Variants in LIMD1 observed in about 807,000 individuals in gnomAD.
LIMD1 encodes the protein LIM domain containing 1.
A neutral mutation model predicts 58.4 loss-of-function variants in LIMD1; 23 were observed. The ratio of observed to expected loss-of-function variants is 0.39; its 90% CI spans 0.28 to 0.56. The LOEUF (loss-of-function observed/expected upper bound fraction) is 0.56. Among genes scored for constraint, LIMD1 ranks in the 20% least tolerant of loss-of-function variants. The pLI is 0.57. For synonymous variants in LIMD1, 334 were observed against 345.5 expected (o/e 0.97, Z 0.37); for missense variants, 838 against 855.5 (o/e 0.98, Z 0.25).
In LIMD1 at chr3:45,668,313, C is replaced by G; in HGVS notation, c.1598C>G (p.Ser533Trp). 4 of 1,612,654 alleles carry G rather than the reference C, an allele frequency of 2.5e-6. No individual in the cohort carries two copies. Among genetic ancestry groups the G allele is most frequent in the Non-Finnish European group, 3.4e-6 (4 of 1,179,110 alleles). The change falls in exon 4 of 8, where the codon TCG becomes TGG. Residue 533 changes from serine to tryptophan, a missense_variant. Transcript: ENST00000273317. ...CTGCAGTACTCTGGTTTCCAGCAGTCGGCTGACAGGTGTTTTCTTTGTGGA... is the reference window on the plus strand; with the variant it reads ...CTGCAGTACTCTGGTTTCCAGCAGTGGGCTGACAGGTGTTTTCTTTGTGGA... ...EDFLYSGFQQ[S>W]ADRCFLCGHL...
chr3:45,668,614 G>A (rs182857493), intron 4 of LIMD1, among the ~76,000 whole-genome samples: 112 of 152,188 alleles, frequency 7.4e-4, no homozygotes, highest in Non-Finnish European at 2.5e-4. Flanking sequence ...TTTTCCGGGC[G>A]TGGTGGTGCA....
intron 2 of LIMD1, among the ~76,000 whole-genome samples, chr3:45,642,043 G>C (rs761983725): frequency 1.3e-5 from 2 of 152,158 alleles, no homozygotes; most frequent in African/African-American, 4.8e-5. Context: ...CCAAGATTCA[G>C]GCAAACCTTT....
At chr3:45,616,660 C>T (rs1213041885) in intron 1 of LIMD1, among the ~76,000 whole-genome samples, 1 of 152,184 alleles carries the variant, frequency 6.6e-6, no homozygotes, top group Admixed American at 6.5e-5. Context: ...CAGGCCCCTC[C>T]CTGAAAGATG....
rs747553142 is a variant in LIMD1, at chr3:45,677,017, G to T, written c.1989G>T (p.Glu663Asp). ...FCHSCHVKRL[E>D]KRPSSTALHQ... ...ACTCCTGCCACGTGAAGAGGCTGGA[G>T]AAGAGACCCTCATCTACAGCCCTTC... Residue 663 changes from glutamate (E) to aspartate (D), a missense_variant, in exon 8 of 8, where the codon GAG becomes GAT. Physicochemically the swap from Glu to Asp is conservative, Grantham distance 45. This residue lies in a region of LIMD1 where 174 missense variants were observed against 197.4 expected (regional missense o/e 0.88). Transcript: ENST00000273317. 2.5e-6 allele frequency: 4 copies of T among 1,614,038 alleles called. No individual in the cohort carries two copies. Among genetic ancestry groups the T allele is most frequent in the Non-Finnish European group, 2.5e-6 (3 of 1,180,054 alleles).
chr3:45,673,471 G>A lies in LIMD1; in HGVS notation c.1790G>A (p.Cys597Tyr). ...CCCCACAGGGTGCTGGCCCCCAAGT[G>A]TGCAGCCTGTGGGCTTCCCATCCTT... ...RDYHKVLAPKCAACGLPILPP... is the reference protein window; with the variant it reads ...RDYHKVLAPKYAACGLPILPP... Residue 597 changes from cysteine to tyrosine, a missense_variant, in exon 6 of 8, where the codon TGT (cysteine) becomes TAT (tyrosine). Around this residue, in one of 3 missense-constraint regions of LIMD1, gnomAD observed 174 missense variants for 197.4 expected, o/e 0.88. Coordinates refer to ENST00000273317, the MANE Select transcript of LIMD1 (RefSeq NM_014240.3). The A allele has an allele frequency of 1.2e-6, 2 of 1,614,028 alleles. No homozygotes were observed. The highest frequency in any genetic ancestry group is 1.7e-6 in the Non-Finnish European group (2 of 1,179,914).
chr3:45,595,946 G>T lies in LIMD1; in HGVS notation c.1067G>T (p.Gly356Val), dbSNP rs1017083685. ...TCTGCCCCGTCATCCTCGCCAGCTG[G>T]TCTGGACGGTTCACAGCAGGGTGCG... Reference protein sequence around the residue: ...SSSAPSSSPAGLDGSQQGAVP... With the variant: ...SSSAPSSSPAVLDGSQQGAVP... Residue 356 changes from glycine to valine, a missense_variant, in exon 1 of 8, where the codon GGT (glycine) becomes GTT (valine). Around this residue, in one of 3 missense-constraint regions of LIMD1, gnomAD observed 659 missense variants for 639.8 expected, o/e 1.03. Coordinates refer to ENST00000273317, the MANE Select transcript of LIMD1 (RefSeq NM_014240.3). 1.2e-6 allele frequency: 2 copies of T among 1,614,230 alleles called. No homozygotes were observed. Among genetic ancestry groups the T allele is most frequent in the East Asian group, 2.2e-5 (1 of 44,888 alleles).
At chr3:45,597,996 T>G (rs1405207422) in intron 1 of LIMD1, among the ~76,000 whole-genome samples, 1 of 152,208 alleles carries the variant, frequency 6.6e-6, no homozygotes, top group African/African-American at 2.4e-5. Context: ...TTTATTTATT[T>G]ATTTATTTTG....
intron 3 of LIMD1, among the ~76,000 whole-genome samples, chr3:45,668,082 T>A (rs1047472778): frequency 1.3e-5 from 2 of 152,194 alleles, no homozygotes; most frequent in African/African-American, 2.4e-5. Flanking sequence ...CAGTCATTGT[T>A]AGAGTGAGTG....
intron 1 of LIMD1, among the ~76,000 whole-genome samples, chr3:45,603,618 C>T (rs1701439530): frequency 6.6e-6 from 1 of 152,204 alleles, no homozygotes; most frequent in Non-Finnish European, 1.5e-5. Context: ...TGCAGATGCA[C>T]ACCCAGGGAT....
At chr3:45,638,084 G>C (rs1701807015) in intron 2 of LIMD1, among the ~76,000 whole-genome samples, 1 of 152,104 alleles carries the variant, frequency 6.6e-6, no homozygotes, top group African/African-American at 2.4e-5. Context: ...GTTGATGATT[G>C]TTACCCTGTG....
chr3:45,636,282 G>T (rs773697085), intron 2 of LIMD1, 31 bp downstream of exon 2: 17 of 1,503,912 alleles, frequency 1.1e-5, no homozygotes, highest in African/African-American at 2.8e-5. Context: ...CGGGTGTGTG[G>T]GGGATGCGTA....
At position 45,595,438 on chromosome 3, in the gene LIMD1, A is replaced by C; in HGVS notation, c.559A>C (p.Ser187Arg). 1.2e-6 allele frequency: 2 copies of C among 1,614,048 alleles called. No homozygotes were observed. Among genetic ancestry groups the C allele is most frequent in the Non-Finnish European group, 1.7e-6 (2 of 1,179,950 alleles). The change falls in exon 1 of 8, where the codon AGC becomes CGC. Residue 187 changes from serine to arginine, a missense_variant. Around this residue, in one of 3 missense-constraint regions of LIMD1, gnomAD observed 659 missense variants for 639.8 expected, o/e 1.03. Transcript: ENST00000273317. ...GDYYDNLSLASPKWGDKPGVS... is the reference protein window; with the variant it reads ...GDYYDNLSLARPKWGDKPGVS... ...CTATTATGACAACCTCTCCTTGGCA[A>C]GCCCAAAGTGGGGTGACAAACCAGG...
chr3:45,654,076 C>T (rs965526145), intron 2 of LIMD1, among the ~76,000 whole-genome samples: 6 of 152,082 alleles, frequency 3.9e-5, no homozygotes, highest in Admixed American at 2.0e-4. Context: ...CAAGCCCTGG[C>T]GCTAAATTTT....
intron 2 of LIMD1, among the ~76,000 whole-genome samples, chr3:45,640,754 G>A (rs1434602283): frequency 1.3e-5 from 2 of 152,194 alleles, no homozygotes; most frequent in Non-Finnish European, 2.9e-5. Context: ...TACATAGATG[G>A]TGAACCTCAT....
At position 45,647,193 on chromosome 3, in the gene LIMD1, C is replaced by T. The variant is rs1349427387; in HGVS notation, c.1510+10942C>T. 3.3e-5 allele frequency among the ~76,000 whole-genome samples: 5 copies of T among 152,276 alleles called. No individual in the cohort carries two copies. The East Asian group carries it at 9.6e-4, about 29-fold the overall frequency. Reference sequence around the variant, plus strand: ...ATCACAGTGTATGTTTGCTTTTATGCCCTGCTTTTTCCACTTAGAAATATA... The same window carrying T: ...ATCACAGTGTATGTTTGCTTTTATGTCCTGCTTTTTCCACTTAGAAATATA... On this transcript the variant is annotated intron_variant, in intron 2 of 7. Coordinates refer to ENST00000273317, the MANE Select transcript of LIMD1 (RefSeq NM_014240.3).
rs1023496176 is a variant in LIMD1, at chr3:45,600,856, G to A, written c.1408+4569G>A. Among the ~76,000 whole-genome samples, 5 of 152,280 alleles carry A rather than the reference G, an allele frequency of 3.3e-5. No individual in the cohort carries two copies. The East Asian group carries it at 7.7e-4, about 24-fold the overall frequency. Reference sequence around the variant, plus strand: ...AGGCAGGAGAATTGCTTGAGCCCAGGAGTTTAAGACCAGCCTGGGCAACAT... The same window carrying A: ...AGGCAGGAGAATTGCTTGAGCCCAGAAGTTTAAGACCAGCCTGGGCAACAT... On this transcript the variant is annotated intron_variant, in intron 1 of 7. Coordinates refer to ENST00000273317, the MANE Select transcript of LIMD1 (RefSeq NM_014240.3).
rs1697786566 is a variant in LIMD1, at chr3:45,684,578, A to G, written c.*7519A>G. On this transcript the variant is annotated 3_prime_UTR_variant, in exon 8 of 8. Transcript: ENST00000273317. ...AGGAGGACTCCGAATGGATCTCCCC[A>G]TTCCTGGCGGGAAGCAGACTGATAT... is the stretch of plus-strand genomic sequence containing the variant. The G allele has an allele frequency of 2.0e-5, 3 of 152,238 alleles. No individual in the cohort carries two copies. Among genetic ancestry groups the G allele is most frequent in the Admixed American group, 2.0e-4 (3 of 15,280 alleles). The allele number at this position is 152,238 out of a possible 1,614,324, so 9.4% of individuals were successfully genotyped here.
At chr3:45,596,511 T>C (rs1701354520) in intron 1 of LIMD1, among the ~76,000 whole-genome samples, 1 of 152,132 alleles carries the variant, frequency 6.6e-6, no homozygotes, top group Admixed American at 6.5e-5. Context: ...GGGTTACCCA[T>C]GTGTGAAGGG....
intron 1 of LIMD1, among the ~76,000 whole-genome samples, chr3:45,604,121 A>G (rs946257355): frequency 6.6e-5 from 10 of 152,224 alleles, no homozygotes; most frequent in Admixed American, 4.6e-4. Context: ...TTGGGGATGG[A>G]TGAATGGAGA....
Sources: gnomAD v4.1 joint callset for allele counts (sites outside exome capture counted in the v4.1 genomes callset) on GRCh38, gnomAD v4.1.1 for gene constraint, gnomAD v4.1.1 regional missense constraint, MANE v1.5 for transcripts, NCBI Gene and HGNC (gene_info 2026-07-23, HGNC 2026-07-21) for gene names.